CCDC38: variants seen among roughly 807,000 people sequenced by gnomAD.
CCDC38 encodes the protein coiled-coil domain-containing protein 38.
Under a neutral mutation model 72.8 loss-of-function variants are expected in CCDC38, and 69 were observed. That is an observed-to-expected ratio of 0.95 (90% CI 0.78 to 1.16). CCDC38 has a LOEUF of 1.16. Ranked by LOEUF, CCDC38 falls within the 50% of genes most tolerant of loss-of-function variation. The pLI, the probability that CCDC38 is intolerant of heterozygous loss-of-function variation, is 0.00. For missense variants in CCDC38, 626 were observed against 638.9 expected, an observed-to-expected ratio of 0.98 and a Z score of 0.22; for synonymous variants, 201 against 213.2, an observed-to-expected ratio of 0.94 and a Z score of 0.50.
chr12:95,883,077 G>A (rs1161578023), intron 10 of CCDC38, among the ~76,000 whole-genome samples: 4 of 152,106 alleles, frequency 2.6e-5, no homozygotes, highest in Non-Finnish European at 5.9e-5. Context: ...TCAAAGTCCT[G>A]TCAGTGCCAC....
intron 7 of CCDC38, among the ~76,000 whole-genome samples, chr12:95,896,845 G>A (rs369319832): frequency 9.2e-5 from 14 of 152,162 alleles, no homozygotes; most frequent in African/African-American, 1.2e-4. Flanking sequence ...ATACATCAAC[G>A]ATCAAGTTAT....
intron 14 of CCDC38, among the ~76,000 whole-genome samples, chr12:95,871,948 G>T (rs911313032): frequency 6.6e-6 from 1 of 152,104 alleles, no homozygotes; most frequent in Non-Finnish European, 1.5e-5. Flanking sequence ...TAATTACAAA[G>T]ATTTGCTTTT....
rs2080395905 is a variant in CCDC38, at chr12:95,936,518, C to T, written c.-9G>A. 1 of 1,605,364 alleles carries T rather than the reference C, an allele frequency of 6.2e-7. No individual in the cohort carries two copies. Among genetic ancestry groups the T allele is most frequent in the Non-Finnish European group, 8.5e-7 (1 of 1,178,360 alleles). Reference sequence around the variant, plus strand: ...AATAAATTTGAGGACATTTTCTTGCCTGGCCCTGTTGAAAGAAAAAAAAAT... The same window carrying T: ...AATAAATTTGAGGACATTTTCTTGCTTGGCCCTGTTGAAAGAAAAAAAAAT... On this transcript the variant is annotated 5_prime_UTR_variant, in exon 2 of 16. Transcript: ENST00000344280.
intron 9 of CCDC38, among the ~76,000 whole-genome samples, chr12:95,890,154 C>T (rs2079808498): frequency 6.6e-6 from 1 of 152,168 alleles, no homozygotes; most frequent in Admixed American, 6.5e-5. Context: ...TCAAGTGATC[C>T]ACCTGCCTCA....
intron 10 of CCDC38, chr12:95,885,284 TTTGGACTG>T (rs1374903757): frequency 6.5e-6 from 1 of 153,742 alleles, no homozygotes; most frequent in Non-Finnish European, 1.5e-5. Flanking sequence ...GAAGACACTG[TTTGGACTG>T]CAGCAATGAC....
intron 2 of CCDC38, chr12:95,934,747 A>T (rs2136744120): frequency 6.6e-6 from 1 of 151,170 alleles, no homozygotes; most frequent in Admixed American, 6.6e-5. Flanking sequence ...GGTGGCTCAC[A>T]CCTGTAGTCC....
intron 8 of CCDC38, among the ~76,000 whole-genome samples, chr12:95,892,314 T>C: frequency 8.3e-6 from 1 of 119,876 alleles, no homozygotes; most frequent in East Asian, 3.0e-4. Context: ...AGACAGGGTC[T>C]CGTTCTGTTG....
At chr12:95,910,327 AC>A (rs2080077986) in intron 4 of CCDC38, among the ~76,000 whole-genome samples, 1 of 152,004 alleles carries the variant, frequency 6.6e-6, no homozygotes, top group African/African-American at 2.4e-5. Context: ...ACACACACAC[AC>A]ACACAAAATA....
chr12:95,874,838 C>T lies in CCDC38; in HGVS notation c.1279-2378G>A, dbSNP rs150730487. Among the ~76,000 whole-genome samples, 69 of 152,172 alleles carry T rather than the reference C, an allele frequency of 4.5e-4. 1 individual carries two copies. The highest frequency in any genetic ancestry group is 1.5e-3 in the Admixed American group (23 of 15,284). On this transcript the variant is annotated intron_variant, in intron 13 of 15. Transcript: ENST00000344280. ...CAAAACGGGAGAGGGGAAAGGTTGC[C>T]GGGGTGGATATCTAGATGTCATTGA...
rs370665950 is a variant in CCDC38, at chr12:95,906,433, G to C, written c.323C>G (p.Thr108Ser). The change falls in exon 5 of 16, where the codon ACT becomes AGT. Residue 108 changes from threonine to serine, a missense_variant. Thr to Ser is a moderately conservative substitution (Grantham distance 58). Coordinates refer to ENST00000344280, the MANE Select transcript of CCDC38 (RefSeq NM_182496.3). ...CTGGTCATTAATAAATTCATGGACA[G>C]TCCTTTTTGTGTCGGAACCTGTGAA... The part of the protein sequence containing the change: ...RLIEGSDTKR[T>S]VHEFINDQRD... 1.7e-5 allele frequency: 27 copies of C among 1,612,980 alleles called. No individual in the cohort carries two copies. In the African/African-American group the frequency reaches 3.3e-4, roughly 20 times the overall value.
intron 2 of CCDC38, among the ~76,000 whole-genome samples, chr12:95,920,428 A>G (rs978211550): frequency 6.6e-6 from 1 of 152,206 alleles, no homozygotes; most frequent in African/African-American, 2.4e-5. Flanking sequence ...GTATGTCTTT[A>G]TTAGCAGCAT....
chr12:95,894,686 C>A (rs1249884145), intron 8 of CCDC38, among the ~76,000 whole-genome samples: 3 of 152,186 alleles, frequency 2.0e-5, no homozygotes, highest in African/African-American at 7.2e-5. Flanking sequence ...GAAGCCCCCA[C>A]CAGAAATAAA....
chr12:95,906,960 G>A (rs1263122241), intron 4 of CCDC38, among the ~76,000 whole-genome samples: 1 of 151,114 alleles, frequency 6.6e-6, no homozygotes, highest in African/African-American at 2.4e-5. Context: ...CCTAGGCAGA[G>A]GACCCTGCGG....
intron 5 of CCDC38, among the ~76,000 whole-genome samples, chr12:95,906,054 G>T (rs886328201): frequency 1.3e-5 from 2 of 152,092 alleles, no homozygotes; most frequent in African/African-American, 4.8e-5. Flanking sequence ...GCACTATCCT[G>T]GTCATAGAAG....
intron 3 of CCDC38, among the ~76,000 whole-genome samples, chr12:95,918,112 T>C (rs181166842): frequency 6.6e-6 from 1 of 152,334 alleles, no homozygotes; most frequent in African/African-American, 2.4e-5. Flanking sequence ...GACAAAGTCC[T>C]GTAATCAACT....
chr12:95,905,556 T>A (rs2079992416), intron 5 of CCDC38, among the ~76,000 whole-genome samples: 1 of 152,208 alleles, frequency 6.6e-6, no homozygotes, highest in Non-Finnish European at 1.5e-5. Flanking sequence ...TGGCAGCGTA[T>A]GGAAGTACTA....
chr12:95,880,530 T>G (rs1472995330), intron 11 of CCDC38, among the ~76,000 whole-genome samples: 1 of 152,054 alleles, frequency 6.6e-6, no homozygotes, highest in Non-Finnish European at 1.5e-5. Flanking sequence ...GGTCGGTGCC[T>G]GTAATCCCAG....
At chr12:95,931,032 G>A (rs545204050) in intron 2 of CCDC38, among the ~76,000 whole-genome samples, 13 of 152,220 alleles carry the variant, frequency 8.5e-5, no homozygotes, top group Admixed American at 4.6e-4. Context: ...TCCTATTGCC[G>A]CTGTAACAAA....
chr12:95,915,891 C>T (rs763199448), intron 4 of CCDC38, among the ~76,000 whole-genome samples: 6 of 152,164 alleles, frequency 3.9e-5, no homozygotes, highest in Non-Finnish European at 8.8e-5. Flanking sequence ...ATCCAAGACA[C>T]CTACTTTTAA....
Sources: gnomAD v4.1 joint callset for allele counts (sites outside exome capture counted in the v4.1 genomes callset) on GRCh38, gnomAD v4.1.1 for gene constraint, MANE v1.5 for transcripts, NCBI Gene and HGNC (gene_info 2026-07-23, HGNC 2026-07-21) for gene names.